VWA8: variants seen among roughly 807,000 people sequenced by gnomAD.
VWA8 encodes the protein von Willebrand factor A domain containing 8, also known as von Willebrand factor A domain-containing protein 8.
VWA8 carries 221 observed loss-of-function variants against 241.5 expected under a neutral mutation model. That is an observed-to-expected ratio of 0.91 (90% CI 0.82 to 1.02). The LOEUF is 1.02. VWA8 is among the 50% of genes least tolerant of loss of function. The pLI, the probability that VWA8 is intolerant of heterozygous loss-of-function variation, is 0.00. For synonymous variants in VWA8, 852 were observed against 827.1 expected (o/e 1.03, Z -0.52); for missense variants, 2,322 against 2,328.7 (o/e 1.00, Z 0.06).
At chr13:41,752,641 T>C (rs1005585547) in intron 21 of VWA8, among the ~76,000 whole-genome samples, 22 of 152,084 alleles carry the variant, frequency 1.4e-4, no homozygotes, top group African/African-American at 3.9e-4. Context: ...AAATAAGACA[T>C]AGAAACTACT....
intron 20 of VWA8, among the ~76,000 whole-genome samples, chr13:41,768,903 C>CTTT (rs34257749): frequency 7.8e-6 from 1 of 128,266 alleles, no homozygotes; most frequent in Non-Finnish European, 1.7e-5. Context: ...AAAACAATGC[C>CTTT]TTTTTTTTTT....
chr13:41,826,633 GC>G (rs970502646), intron 14 of VWA8, among the ~76,000 whole-genome samples: 5 of 152,128 alleles, frequency 3.3e-5, no homozygotes. Context: ...ACTTTGGGAG[GC>G]CAAGGCAGGA....
At chr13:41,722,232 T>C (rs1277306581) in intron 24 of VWA8, among the ~76,000 whole-genome samples, 1 of 152,156 alleles carries the variant, frequency 6.6e-6, no homozygotes, top group African/African-American at 2.4e-5. Flanking sequence ...TGTAGAGACA[T>C]TGTCTGAATT....
chr13:41,580,255 A>G (rs1353532789), intron 42 of VWA8, among the ~76,000 whole-genome samples: 1 of 152,144 alleles, frequency 6.6e-6, no homozygotes, highest in African/African-American at 2.4e-5. Flanking sequence ...TTCTACATCC[A>G]CAATTGAATC....
At chr13:41,803,984 C>T (rs1404959815) in intron 17 of VWA8, among the ~76,000 whole-genome samples, 1 of 152,076 alleles carries the variant, frequency 6.6e-6, no homozygotes, top group African/African-American at 2.4e-5. Context: ...TGAAAACACA[C>T]AGTCAGAGGA....
At chr13:41,666,169 T>C (rs61964881) in intron 37 of VWA8, among the ~76,000 whole-genome samples, 2,912 of 152,208 alleles carry the variant, frequency 0.019, 33 homozygotes, top group South Asian at 0.058. Context: ...TGAAACACAA[T>C]CTATATAAGA....
At position 41,865,958 on chromosome 13, in the gene VWA8, GT is replaced by G. The variant is rs1204165224; in HGVS notation, c.1290del (p.Gln431ArgfsTer4). 6.8e-6 allele frequency: 11 copies of G among 1,614,058 alleles called. No homozygotes were observed. The highest frequency in any genetic ancestry group is 1.3e-5 in the African/African-American group (1 of 74,916). ...RFIQTLSHKQLQAEMMQSHMV... is the reference protein window; with the variant it reads ...RFIQTLSHKQXQAEMMQSHMV... ...ATGTGAGACTGCATCATTTCAGCCT[GT>G]AGCTGCTTATGGCTCAAAGTCTGTA... On this transcript the variant is annotated frameshift_variant, in exon 11 of 45. Coordinates refer to ENST00000379310, the MANE Select transcript of VWA8 (RefSeq NM_015058.2). LOFTEE classifies it high-confidence loss of function.
chr13:41,644,010 T>C (rs1268973395), intron 37 of VWA8, among the ~76,000 whole-genome samples: 1 of 152,120 alleles, frequency 6.6e-6, no homozygotes, highest in Non-Finnish European at 1.5e-5. Context: ...TATTATCTCC[T>C]TTTTTCTTAT....
chr13:41,759,758 T>C (rs1253953950), intron 21 of VWA8, among the ~76,000 whole-genome samples: 1 of 151,782 alleles, frequency 6.6e-6, no homozygotes, highest in Admixed American at 6.6e-5. Context: ...TGTCTAGTCA[T>C]TTCCTATTGA....
intron 35 of VWA8, among the ~76,000 whole-genome samples, 196 bp downstream of exon 35, chr13:41,684,851 G>C (rs1199619318): frequency 6.6e-6 from 1 of 152,176 alleles, no homozygotes; most frequent in African/African-American, 2.4e-5. Flanking sequence ...TCTAACAGCA[G>C]TGGCCACAAC....
At chr13:41,727,639 A>G (rs1475342973) in intron 23 of VWA8, among the ~76,000 whole-genome samples, 1 of 152,178 alleles carries the variant, frequency 6.6e-6, no homozygotes, top group South Asian at 2.1e-4. Flanking sequence ...CCTTAAAAAA[A>G]TTAAAAATAG....
At chr13:41,699,823 A>G (rs953813515) in intron 28 of VWA8, among the ~76,000 whole-genome samples, 1 of 152,130 alleles carries the variant, frequency 6.6e-6, no homozygotes, top group African/African-American at 2.4e-5. Context: ...CTGTCTTTTC[A>G]ATCTGGGTAC....
rs762454896 is a variant in VWA8 at position 41,820,379 on chromosome 13, C to T, written c.1701-993G>A. On this transcript the variant is annotated intron_variant, in intron 14 of 44. Transcript: ENST00000379310. ...GCAACTAGAATACCAGGAGGTAGGA[C>T]ACAAGTGGAAAGAATCAGATGAGTA... is the stretch of plus-strand genomic sequence containing the variant. Among the ~76,000 whole-genome samples the T allele has an allele frequency of 1.8e-4, 28 of 152,040 alleles. 1 individual carries two copies. The highest frequency in any genetic ancestry group is 2.5e-4 in the Non-Finnish European group (17 of 68,000).
chr13:41,664,298 A>G (rs117143042), intron 37 of VWA8, among the ~76,000 whole-genome samples: 12 of 151,920 alleles, frequency 7.9e-5, no homozygotes, highest in Non-Finnish European at 1.8e-4. Context: ...CCACTTTTAT[A>G]TGACCTGTTC....
At chr13:41,705,828 T>C (rs922858704) in intron 26 of VWA8, among the ~76,000 whole-genome samples, 1 of 152,178 alleles carries the variant, frequency 6.6e-6, no homozygotes, top group African/African-American at 2.4e-5. Context: ...TTGCATTGTC[T>C]TGATACTCTG....
At chr13:41,946,016 G>T (rs1566048142) in intron 2 of VWA8, among the ~76,000 whole-genome samples, 2 of 151,774 alleles carry the variant, frequency 1.3e-5, no homozygotes, top group Non-Finnish European at 2.9e-5. Context: ...CTTGATAGCA[G>T]AGAAAAACTG....
chr13:41,570,708 T>C lies in VWA8; in HGVS notation c.5371-2A>G, dbSNP rs1593620420. 6.2e-7 allele frequency: 1 copy of C among 1,608,480 alleles called. No homozygotes were observed. Among genetic ancestry groups the C allele is most frequent in the African/African-American group, 1.3e-5 (1 of 74,868 alleles). On this transcript the variant is annotated splice_acceptor_variant, in intron 43 of 44. Transcript: ENST00000379310. LOFTEE classifies it high-confidence loss of function. The stretch of plus-strand genomic sequence containing the variant: ...GAACTGAGAGTGGGCATGCATTGTC[T>C]GGAGGTAAAAGAAGTTGCACAAAAG...
intron 12 of VWA8, 47 bp downstream of exon 12, chr13:41,865,689 A>C (rs1319825757): frequency 6.3e-7 from 1 of 1,596,686 alleles, no homozygotes; most frequent in African/African-American, 1.3e-5. Context: ...TGATGGCCTA[A>C]GCATATATGC....
chr13:41,766,351 A>G (rs1351398420), intron 20 of VWA8, among the ~76,000 whole-genome samples: 1 of 152,222 alleles, frequency 6.6e-6, no homozygotes, highest in Non-Finnish European at 1.5e-5. Context: ...GAGTAGGAGA[A>G]AAAAGCTAAA....
Sources: allele counts gnomAD v4.1 joint callset (sites outside exome capture counted in the v4.1 genomes callset), GRCh38; gene constraint gnomAD v4.1.1; transcripts MANE v1.5; gene names NCBI Gene and HGNC (gene_info 2026-07-23, HGNC 2026-07-21).